Variants in PLD1 observed in about 807,000 individuals in gnomAD.
PLD1 encodes the protein choline phosphatase 1.
In PLD1, 112 loss-of-function variants were observed where a neutral mutation model predicts 137.1. The ratio of observed to expected loss-of-function variants is 0.82; its 90% CI spans 0.70 to 0.96. The LOEUF (loss-of-function observed/expected upper bound fraction) is 0.96. Among genes scored for constraint, PLD1 ranks in the 40% least tolerant of loss-of-function variants. The pLI is 0.00. For missense variants in PLD1, 1,321 were observed against 1,342.0 expected (o/e 0.98, Z 0.24); for synonymous variants, 431 against 454.7 (o/e 0.95, Z 0.66).
intron 23 of PLD1, among the ~76,000 whole-genome samples, chr3:171,635,537 T>C (rs1578153144): frequency 6.6e-6 from 1 of 152,158 alleles, no homozygotes; most frequent in African/African-American, 2.4e-5. Context: ...TTTTCTTTTA[T>C]GTACTTATCA....
intron 6 of PLD1, among the ~76,000 whole-genome samples, chr3:171,731,533 G>T (rs1291462824): frequency 6.6e-6 from 1 of 152,154 alleles, no homozygotes; most frequent in Non-Finnish European, 1.5e-5. Flanking sequence ...TGTAATCTCA[G>T]CACTTTGGGA....
intron 1 of PLD1, among the ~76,000 whole-genome samples, chr3:171,783,692 G>A (rs976194848): frequency 2.0e-5 from 3 of 152,092 alleles, no homozygotes; most frequent in Non-Finnish European, 4.4e-5. Flanking sequence ...ACCAAGGCTG[G>A]AGTACAGTAG....
chr3:171,688,361 A>G (rs1714786043), intron 14 of PLD1, among the ~76,000 whole-genome samples: 1 of 152,204 alleles, frequency 6.6e-6, no homozygotes. Flanking sequence ...TTGTTTATGA[A>G]TCTTATTTCT....
chr3:171,637,513 G>A (rs1023672416), intron 23 of PLD1, among the ~76,000 whole-genome samples: 11 of 152,172 alleles, frequency 7.2e-5, no homozygotes, highest in Non-Finnish European at 1.5e-4. Flanking sequence ...AATTACAGGT[G>A]TGAGCCACCA....
intron 6 of PLD1, among the ~76,000 whole-genome samples, chr3:171,731,526 A>C (rs916772593): frequency 2.0e-4 from 30 of 152,200 alleles, no homozygotes; most frequent in Admixed American, 1.7e-3. Context: ...TCACGCCTGT[A>C]ATCTCAGCAC....
chr3:171,747,181 C>T (rs764217719), intron 1 of PLD1, among the ~76,000 whole-genome samples: 4 of 152,164 alleles, frequency 2.6e-5, no homozygotes, highest in East Asian at 1.9e-4. Context: ...GACACACCAT[C>T]TTTAAGAACT....
Position 171,670,867 on chromosome 3 carries a change from G to A in PLD1, c.2229+3633C>T, listed in dbSNP as rs140325981. On this transcript the variant is annotated intron_variant, in intron 19 of 26. Coordinates refer to ENST00000351298, the MANE Select transcript of PLD1 (RefSeq NM_002662.5). ...CTAACTACTTTAAAAATTAAGAAGT[G>A]TATCTGTGGTGGCCATTTGAGTTTT... Among the ~76,000 whole-genome samples the A allele has an allele frequency of 4.2e-4, 64 of 152,338 alleles. 1 individual carries two copies. In the East Asian group the frequency reaches 0.011, roughly 26 times the overall value.
intron 1 of PLD1, among the ~76,000 whole-genome samples, chr3:171,738,314 G>GAAAAAAAAAAAAA (rs923944744): frequency 7.0e-6 from 1 of 142,418 alleles, no homozygotes; most frequent in African/African-American, 2.6e-5. Flanking sequence ...AAAAAAAAAA[G>GAAAAAAAAAAAAA]AAAAAAAAAA....
Position 171,603,130 on chromosome 3 carries a change from A to T in PLD1, c.3173T>A (p.Leu1058Gln), listed in dbSNP as rs758772146. The T allele has an allele frequency of 2.5e-6, 4 of 1,614,102 alleles. No homozygotes were observed. The Admixed American group carries it at 6.7e-5, about 27-fold the overall frequency. Residue 1058 changes from leucine to glutamine, a missense_variant, in exon 27 of 27, where the codon CTG (leucine) becomes CAG (glutamine). Transcript: ENST00000351298. The stretch of plus-strand genomic sequence containing the variant: ...GGCCTCTTTGGTCCCAACAGAAGGC[A>T]GTAGGCTTTCTTCAGACAAGAAATA... ...PFYFLSEESL[L>Q]PSVGTKEAIV...
chr3:171,694,088 C>A (rs1424235038), intron 12 of PLD1, among the ~76,000 whole-genome samples: 1 of 152,010 alleles, frequency 6.6e-6, no homozygotes, highest in Non-Finnish European at 1.5e-5. Flanking sequence ...TATAATAACA[C>A]AACACTTCAA....
intron 19 of PLD1, among the ~76,000 whole-genome samples, chr3:171,671,083 A>T (rs1712694574): frequency 6.6e-6 from 1 of 152,220 alleles, no homozygotes; most frequent in Non-Finnish European, 1.5e-5. Context: ...GGGAGGGGTA[A>T]TGGCATGCTG....
chr3:171,712,163 A>T (rs1375257623), intron 9 of PLD1, among the ~76,000 whole-genome samples: 2 of 152,228 alleles, frequency 1.3e-5, no homozygotes, highest in Admixed American at 1.3e-4. Context: ...TGTCAGAGGT[A>T]GATGCTGGCT....
chr3:171,672,556 T>C (rs1413046048), intron 19 of PLD1, among the ~76,000 whole-genome samples: 1 of 151,978 alleles, frequency 6.6e-6, no homozygotes, highest in East Asian at 1.9e-4. Flanking sequence ...GGTGCAATTA[T>C]GGCTCACTGC....
chr3:171,662,280 T>A, intron 19 of PLD1, 110 bp from the exon 20 acceptor site: 1 of 652,726 alleles, frequency 1.5e-6, no homozygotes, highest in Non-Finnish European at 2.8e-6. Context: ...ATGATTACAG[T>A]GGCTTGAGTG....
At chr3:171,760,724 G>A (rs543678424) in intron 1 of PLD1, among the ~76,000 whole-genome samples, 19 of 152,298 alleles carry the variant, frequency 1.2e-4, no homozygotes, top group Non-Finnish European at 1.9e-4. Flanking sequence ...TCACCAGCCT[G>A]AGTCAGCCTA....
At chr3:171,774,896 TCCAGCAGG>T (rs959408650) in intron 1 of PLD1, among the ~76,000 whole-genome samples, 5 of 152,078 alleles carry the variant, frequency 3.3e-5, no homozygotes, top group African/African-American at 1.2e-4. Context: ...AGGGAGGATA[TCCAGCAGG>T]CCCCAGGAGA....
rs112109257 is a variant in PLD1 at position 171,740,085 on chromosome 3, T to C, written c.-31-2003A>G. 7.0e-3 allele frequency among the ~76,000 whole-genome samples: 1,059 copies of C among 152,304 alleles called. 10 individuals are homozygous for C. Among genetic ancestry groups the C allele is most frequent in the South Asian group, 0.021 (102 of 4,824 alleles). On this transcript the variant is annotated intron_variant, in intron 1 of 26. Coordinates refer to ENST00000351298, the MANE Select transcript of PLD1 (RefSeq NM_002662.5). ...TGAGGAGGTTGAGCCATTTCATCTC[T>C]AGAGTTCTTTTAACACGAAAACCCT...
At chr3:171,622,344 G>T (rs1360058891) in intron 23 of PLD1, among the ~76,000 whole-genome samples, 1 of 152,120 alleles carries the variant, frequency 6.6e-6, no homozygotes, top group African/African-American at 2.4e-5. Flanking sequence ...GTAAGTCCCC[G>T]AGGGGATATT....
chr3:171,754,083 T>G (rs930019264), intron 1 of PLD1, among the ~76,000 whole-genome samples: 6 of 152,166 alleles, frequency 3.9e-5, no homozygotes, highest in African/African-American at 1.4e-4. Flanking sequence ...TTTCTCTCAG[T>G]GTTTCTATGG....
Sources: allele counts gnomAD v4.1 joint callset (sites outside exome capture counted in the v4.1 genomes callset), GRCh38; gene constraint gnomAD v4.1.1; transcripts MANE v1.5; gene names NCBI Gene and HGNC (gene_info 2026-07-23, HGNC 2026-07-21).